Variants in KIAA0753 observed in about 807,000 individuals in gnomAD.
The protein encoded by KIAA0753 is KIAA0753, also known as protein moonraker.
A neutral mutation model predicts 116.9 loss-of-function variants in KIAA0753; 114 were observed. The ratio of observed to expected loss-of-function variants is 0.98; its 90% CI spans 0.84 to 1.14. The LOEUF (loss-of-function observed/expected upper bound fraction) is 1.14, where lower values mean the gene tolerates loss of function less well. Among genes scored for constraint, KIAA0753 ranks in the 50% most tolerant of loss-of-function variants. The pLI, the probability that KIAA0753 is intolerant of heterozygous loss-of-function variation, is 0.00. For missense variants in KIAA0753, 1,156 were observed against 1,172.4 expected (o/e 0.99, Z 0.20); for synonymous variants, 405 against 413.1 (o/e 0.98, Z 0.24).
chr17:6,583,361 T>C (rs1052661253), intron 18 of KIAA0753, among the ~76,000 whole-genome samples: 2 of 151,954 alleles, frequency 1.3e-5, no homozygotes, highest in Non-Finnish European at 2.9e-5. Context: ...CTTGGGGTTT[T>C]TGGAGCTTCT....
chr17:6,627,789 G>A (rs1971764417), intron 3 of KIAA0753, among the ~76,000 whole-genome samples: 1 of 152,194 alleles, frequency 6.6e-6, no homozygotes, highest in Non-Finnish European at 1.5e-5. Context: ...AAACATTATA[G>A]GATAATTTGC....
At chr17:6,615,414 C>T (rs1208451803) in intron 7 of KIAA0753, among the ~76,000 whole-genome samples, 2 of 151,944 alleles carry the variant, frequency 1.3e-5, no homozygotes, top group African/African-American at 2.4e-5. Context: ...TTCAGATATG[C>T]TGAAGAAGCT....
At chr17:6,605,211 T>C (rs1970118497) in intron 12 of KIAA0753, among the ~76,000 whole-genome samples, 1 of 152,210 alleles carries the variant, frequency 6.6e-6, no homozygotes, top group African/African-American at 2.4e-5. Context: ...GATTCCTGGC[T>C]TGTCTTGCCC....
intron 1 of KIAA0753, chr17:6,638,727 GC>G: frequency 6.5e-6 from 1 of 153,542 alleles, no homozygotes. Flanking sequence ...ACAGGCCCAG[GC>G]CCCCGCTGTG....
intron 12 of KIAA0753, among the ~76,000 whole-genome samples, chr17:6,604,938 A>T (rs1567555900): frequency 6.6e-6 from 1 of 152,116 alleles, no homozygotes; most frequent in Admixed American, 6.5e-5. Flanking sequence ...GAAAGGTCTG[A>T]AAGGATTTAC....
chr17:6,613,635 G>T (rs1159898746), intron 7 of KIAA0753, among the ~76,000 whole-genome samples: 4 of 152,040 alleles, frequency 2.6e-5, no homozygotes, highest in African/African-American at 9.7e-5. Flanking sequence ...CAGTGAGTCT[G>T]AACTGAATTG....
At chr17:6,605,538 C>CT (rs1970140517) in intron 12 of KIAA0753, among the ~76,000 whole-genome samples, 1 of 152,228 alleles carries the variant, frequency 6.6e-6, no homozygotes, top group South Asian at 2.1e-4. Context: ...CCCTAGGAGT[C>CT]TTCATCTGAT....
At chr17:6,595,929 A>G (rs750153692) in intron 15 of KIAA0753, among the ~76,000 whole-genome samples, 16 of 152,222 alleles carry the variant, frequency 1.1e-4, no homozygotes, top group Non-Finnish European at 2.1e-4. Flanking sequence ...ACTGGATTAC[A>G]TGGCAAGCAG....
At chr17:6,600,254 G>A (rs1194897080) in intron 13 of KIAA0753, 126 bp downstream of exon 13, 1 of 713,880 alleles carries the variant, frequency 1.4e-6, no homozygotes, top group African/African-American at 1.8e-5. Flanking sequence ...GTGGTGGTCT[G>A]GGGGTATCTT....
chr17:6,618,199 C>A (rs1346703550), intron 7 of KIAA0753, among the ~76,000 whole-genome samples: 1 of 152,176 alleles, frequency 6.6e-6, no homozygotes, highest in Non-Finnish European at 1.5e-5. Flanking sequence ...GGTGGCTCCC[C>A]TGGAGAGGGC....
chr17:6,632,487 T>G (rs1178545013), intron 2 of KIAA0753, among the ~76,000 whole-genome samples: 1 of 152,212 alleles, frequency 6.6e-6, no homozygotes, highest in East Asian at 1.9e-4. Context: ...AGGGTAAAAT[T>G]AGAAATCCCC....
intron 3 of KIAA0753, 114 bp from the exon 4 acceptor site, chr17:6,624,975 G>A: frequency 1.4e-6 from 1 of 717,568 alleles, no homozygotes. Flanking sequence ...GTTTTATTAA[G>A]AAAAAAATGA....
chr17:6,605,962 A>G (rs1970170805), intron 12 of KIAA0753, among the ~76,000 whole-genome samples: 1 of 152,238 alleles, frequency 6.6e-6, no homozygotes, highest in Non-Finnish European at 1.5e-5. Context: ...AGTGGGTAAG[A>G]GTCACAGAGA....
At chr17:6,608,607 T>C in intron 9 of KIAA0753, 143 bp from the exon 10 acceptor site, 1 of 447,122 alleles carries the variant, frequency 2.2e-6, no homozygotes, top group Non-Finnish European at 4.0e-6. Context: ...AAGCTGAATG[T>C]GAAGAAAAGT....
intron 2 of KIAA0753, among the ~76,000 whole-genome samples, chr17:6,633,175 G>C (rs1972107674): frequency 6.6e-6 from 1 of 152,198 alleles, no homozygotes. Flanking sequence ...TAATTTGTGT[G>C]TGTATAGAGA....
At chr17:6,635,951 G>A (rs1401792662) in intron 1 of KIAA0753, 1 of 152,200 alleles carries the variant, frequency 6.6e-6, no homozygotes, top group Non-Finnish European at 1.5e-5. Flanking sequence ...GACTTGAGGG[G>A]AAGGGCCTTG....
chr17:6,590,626 T>C lies in KIAA0753; in HGVS notation c.2445A>G (p.Gln815=), dbSNP rs756417685. The C allele has an allele frequency of 1.2e-6, 2 of 1,613,756 alleles. No individual in the cohort carries two copies. Among genetic ancestry groups the C allele is most frequent in the South Asian group, 2.2e-5 (2 of 91,056 alleles). Residue 815 remains glutamine, a synonymous_variant, in exon 17 of 19, where the codon CAA becomes CAG. Coordinates refer to ENST00000361413, the MANE Select transcript of KIAA0753 (RefSeq NM_014804.3). ...GCTTTTCACTTATTGCTGAGATTTT[T>C]TGGTCTAGAAAAGGAGGGTCATAAA... The part of the protein sequence containing the change: ...RLWMQEENND[Q]KISAISEKPL...
chr17:6,604,970 G>A (rs890063388), intron 12 of KIAA0753, among the ~76,000 whole-genome samples: 4 of 150,952 alleles, frequency 2.6e-5, no homozygotes, highest in Non-Finnish European at 5.9e-5. Context: ...CCTTTCTCAA[G>A]AAGCTAAATT....
rs1424576956 is a variant in KIAA0753, at chr17:6,601,423, C to G, written c.2010-965G>C. Among the ~76,000 whole-genome samples the G allele has an allele frequency of 2.0e-5, 3 of 152,274 alleles. No individual in the cohort carries two copies. In the East Asian group the frequency reaches 5.8e-4, roughly 29 times the overall value. The stretch of plus-strand genomic sequence containing the variant: ...GCTATGTTATTAGACTCACAGCCCT[C>G]TTCCCCAACTCAGCTCCTAGGAAGC... On this transcript the variant is annotated intron_variant, in intron 12 of 18. Transcript: ENST00000361413.
Sources: allele counts gnomAD v4.1 joint callset (sites outside exome capture counted in the v4.1 genomes callset), GRCh38; gene constraint gnomAD v4.1.1; transcripts MANE v1.5; gene names NCBI Gene and HGNC (gene_info 2026-07-23, HGNC 2026-07-21).